Variants in SGPP2 observed in about 807,000 individuals in gnomAD.
SGPP2 encodes sphingosine-1-phosphate phosphatase 2, also known as sphingosine 1-phosphate phosphohydrolase 2.
In SGPP2, 30 loss-of-function variants were observed where a neutral mutation model predicts 33.9. The ratio of observed to expected loss-of-function variants is 0.89; its 90% confidence interval spans 0.66 to 1.20. The LOEUF (loss-of-function observed/expected upper bound fraction) is 1.20, where lower values mean the gene tolerates loss of function less well. Ranked by LOEUF, SGPP2 falls within the 50% of genes most tolerant of loss-of-function variation. SGPP2 has a pLI of 0.00. For missense variants in SGPP2, 458 were observed against 532.1 expected (o/e 0.86, Z 1.37); for synonymous variants, 233 against 225.0 (o/e 1.04, Z -0.32).
At chr2:222,442,038 A>G (rs1697332694) in intron 1 of SGPP2, among the ~76,000 whole-genome samples, 1 of 152,232 alleles carries the variant, frequency 6.6e-6, no homozygotes. Context: ...CTAAGAACTT[A>G]AAATACATAA....
At chr2:222,497,667 C>T (rs1698302959) in intron 2 of SGPP2, among the ~76,000 whole-genome samples, 1 of 152,134 alleles carries the variant, frequency 6.6e-6, no homozygotes, top group Non-Finnish European at 1.5e-5. Context: ...ACAGATTATG[C>T]CATTGGTACA....
At chr2:222,424,934 A>G (rs560716573) in intron 1 of SGPP2, 113 bp downstream of exon 1, 3 of 870,628 alleles carry the variant, frequency 3.4e-6, no homozygotes, top group Non-Finnish European at 4.6e-6. Flanking sequence ...CGTCCCCGGC[A>G]GTGACCCGGC....
intron 4 of SGPP2, among the ~76,000 whole-genome samples, chr2:222,538,907 A>G (rs964338969): frequency 6.6e-5 from 10 of 152,198 alleles, no homozygotes; most frequent in African/African-American, 2.4e-4. Flanking sequence ...TCCCACCTCC[A>G]ATATTGGGGA....
At chr2:222,543,513 A>G (rs1689116900) in intron 4 of SGPP2, among the ~76,000 whole-genome samples, 4 of 152,236 alleles carry the variant, frequency 2.6e-5, no homozygotes, top group South Asian at 2.1e-4. Context: ...ACAGTAAGAG[A>G]TTAACAACAA....
chr2:222,507,848 A>AT (rs1282747373), intron 2 of SGPP2, among the ~76,000 whole-genome samples: 1 of 152,200 alleles, frequency 6.6e-6, no homozygotes, highest in Non-Finnish European at 1.5e-5. Context: ...ATATCTCATA[A>AT]TTTTTTAACA....
intron 4 of SGPP2, among the ~76,000 whole-genome samples, chr2:222,548,181 A>G (rs946595997): frequency 6.6e-6 from 1 of 152,222 alleles, no homozygotes; most frequent in Admixed American, 6.5e-5. Context: ...ATAGTAAACA[A>G]TAAGTTGAAC....
At chr2:222,501,945 T>C (rs1369195652) in intron 2 of SGPP2, among the ~76,000 whole-genome samples, 1 of 151,646 alleles carries the variant, frequency 6.6e-6, no homozygotes, top group African/African-American at 2.4e-5. Flanking sequence ...TTAAGACAAA[T>C]GCTTTCTCAA....
chr2:222,453,249 A>T, intron 1 of SGPP2: 1 of 763,388 alleles, frequency 1.3e-6, no homozygotes, highest in Non-Finnish European at 2.4e-6. Flanking sequence ...TTACAATCAG[A>T]TGCTTTGAAG....
In SGPP2 at chr2:222,474,714, C is replaced by A; in HGVS notation, c.366C>A (p.Ile122=). ...NIDPYLSRRL[I]IIWVLVMYIG... ...ACCCTTATTTATCCAGAAGATTGAT[C>A]ATCATATGGGTTGTAAGTATTATTA... Residue 122 remains isoleucine, a synonymous_variant, in exon 2 of 5, where the codon ATC becomes ATA. Coordinates refer to ENST00000321276, the MANE Select transcript of SGPP2 (RefSeq NM_152386.4). The A allele has an allele frequency of 3.1e-6, 5 of 1,613,196 alleles. No individual in the cohort carries two copies. The highest frequency in any genetic ancestry group is 4.2e-6 in the Non-Finnish European group (5 of 1,179,314).
intron 1 of SGPP2, among the ~76,000 whole-genome samples, chr2:222,431,483 G>A (rs1697154610): frequency 6.6e-6 from 1 of 152,154 alleles, no homozygotes; most frequent in Admixed American, 6.5e-5. Flanking sequence ...TCCATTCTAG[G>A]TGACAGAGGA....
intron 1 of SGPP2, among the ~76,000 whole-genome samples, chr2:222,457,908 G>C (rs898581939): frequency 6.6e-6 from 1 of 152,226 alleles, no homozygotes; most frequent in Non-Finnish European, 1.5e-5. Context: ...AGAGAATTGA[G>C]CATCTTCTCT....
intron 2 of SGPP2, among the ~76,000 whole-genome samples, chr2:222,492,121 G>A (rs1456709014): frequency 6.6e-6 from 1 of 152,148 alleles, no homozygotes; most frequent in Non-Finnish European, 1.5e-5. Flanking sequence ...CAGACACATG[G>A]TGCAAGCTGT....
intron 1 of SGPP2, among the ~76,000 whole-genome samples, chr2:222,467,984 A>AC (rs1559152154): frequency 2.9e-5 from 4 of 139,762 alleles, no homozygotes; most frequent in Admixed American, 7.0e-5. Flanking sequence ...AAAAAAAAAA[A>AC]AAAACAGAGG....
chr2:222,503,107 G>A (rs1460178690), intron 2 of SGPP2, among the ~76,000 whole-genome samples: 2 of 152,072 alleles, frequency 1.3e-5, no homozygotes, highest in Non-Finnish European at 2.9e-5. Flanking sequence ...AGCTTTGGGA[G>A]GCCTAAGGAA....
chr2:222,498,124 C>A (rs569099935), intron 2 of SGPP2, among the ~76,000 whole-genome samples: 1 of 152,242 alleles, frequency 6.6e-6, no homozygotes, highest in East Asian at 1.9e-4. Context: ...GAGAGTGTAG[C>A]CCCTTTGGGA....
intron 4 of SGPP2, among the ~76,000 whole-genome samples, chr2:222,546,095 G>A (rs531501966): frequency 6.6e-6 from 1 of 152,274 alleles, no homozygotes; most frequent in African/African-American, 2.4e-5. Flanking sequence ...CTTAAAACAT[G>A]CTCACTTGGG....
At position 222,452,937 on chromosome 2, in the gene SGPP2, T is replaced by G. The variant is rs551264568; in HGVS notation, c.220-21631T>G. The stretch of plus-strand genomic sequence containing the variant: ...GATATTGGAAAGTTCTTGCATCTGT[T>G]GAAGGCTGAGGTATTTCTGTCTCTG... On this transcript the variant is annotated intron_variant, in intron 1 of 4. Coordinates refer to ENST00000321276, the MANE Select transcript of SGPP2 (RefSeq NM_152386.4). The G allele has an allele frequency of 2.5e-6, 4 of 1,575,636 alleles. No individual in the cohort carries two copies. In the East Asian group the frequency reaches 9.0e-5, roughly 35 times the overall value.
At chr2:222,466,896 G>A (rs1428494712) in intron 1 of SGPP2, among the ~76,000 whole-genome samples, 1 of 152,110 alleles carries the variant, frequency 6.6e-6, no homozygotes, top group African/African-American at 2.4e-5. Context: ...CTTCCCTTTG[G>A]TACTTTCTAG....
At chr2:222,520,346 T>C (rs1490024677) in intron 2 of SGPP2, among the ~76,000 whole-genome samples, 3 of 152,014 alleles carry the variant, frequency 2.0e-5, no homozygotes, top group African/African-American at 4.8e-5. Flanking sequence ...CATGTTCATG[T>C]ACATCAAATT....
Sources: allele counts gnomAD v4.1 joint callset (sites outside exome capture counted in the v4.1 genomes callset), GRCh38; gene constraint gnomAD v4.1.1; transcripts MANE v1.5; gene names NCBI Gene and HGNC (gene_info 2026-07-23, HGNC 2026-07-21).